The following PARD3B variants were observed in gnomAD, a reference collection of about 807,000 sequenced individuals.
PARD3B encodes the protein par-3 family cell polarity regulator beta.
Under a neutral mutation model 130.2 loss-of-function variants are expected in PARD3B, and 103 were observed. That is an observed-to-expected ratio of 0.79 (90% CI 0.67 to 0.93). The LOEUF (loss-of-function observed/expected upper bound fraction) is 0.93, where lower values mean the gene tolerates loss of function less well. Among genes scored for constraint, PARD3B ranks in the 40% least tolerant of loss-of-function variants. The pLI is 0.00. For missense variants in PARD3B, 1,609 were observed against 1,499.2 expected (o/e 1.07, Z -1.21); for synonymous variants, 583 against 553.2 (o/e 1.05, Z -0.76).
intron 2 of PARD3B, among the ~76,000 whole-genome samples, chr2:204,813,899 T>C (rs1034965914): frequency 6.6e-6 from 1 of 152,120 alleles, no homozygotes; most frequent in African/African-American, 2.4e-5. Flanking sequence ...TGAAATGAAG[T>C]CATATTGGCC....
intron 2 of PARD3B, among the ~76,000 whole-genome samples, chr2:204,912,272 C>T (rs2047267044): frequency 6.6e-6 from 1 of 152,130 alleles, no homozygotes; most frequent in Non-Finnish European, 1.5e-5. Flanking sequence ...GATGCTAATT[C>T]CTGATATATT....
intron 1 of PARD3B, chr2:204,558,161 T>C (rs1254290383): frequency 1.3e-5 from 2 of 152,216 alleles, no homozygotes; most frequent in Non-Finnish European, 2.9e-5. Context: ...CAGTTTAGTC[T>C]CTATCAGATG....
intron 2 of PARD3B, among the ~76,000 whole-genome samples, chr2:204,877,724 T>C (rs184226902): frequency 1.3e-5 from 2 of 152,298 alleles, no homozygotes; most frequent in Non-Finnish European, 2.9e-5. Context: ...TGGAGGGGCA[T>C]CAAATTAAGA....
rs2041601179 is a variant in PARD3B at position 205,291,349 on chromosome 2, A to G, written c.2186-9181A>G. 6.6e-6 allele frequency among the ~76,000 whole-genome samples: 1 copy of G among 152,230 alleles called. No individual in the cohort carries two copies. The highest frequency in any genetic ancestry group is 2.4e-5 in the African/African-American group (1 of 41,470). On this transcript the variant is annotated intron_variant, in intron 16 of 22. Transcript: ENST00000406610. This position sits in a 1 kb window ranked among gnomAD's most constrained non-coding sequence, Gnocchi z 4.6. ...CTGAGTCTTCTTAGATGATACCCAC[A>G]TAATCTTGAATAGAACGTTGGTAGA...
chr2:204,832,896 A>G (rs1301367431), intron 2 of PARD3B, among the ~76,000 whole-genome samples: 1 of 152,240 alleles, frequency 6.6e-6, no homozygotes, highest in African/African-American at 2.4e-5. Flanking sequence ...GGGCACTATA[A>G]AGAGAAAATG....
chr2:204,581,181 C>G (rs769536887), intron 1 of PARD3B, among the ~76,000 whole-genome samples: 1 of 152,146 alleles, frequency 6.6e-6, no homozygotes, highest in Non-Finnish European at 1.5e-5. Flanking sequence ...TTTGGAGGAA[C>G]AGAAAATTGC....
intron 18 of PARD3B, among the ~76,000 whole-genome samples, chr2:205,367,013 T>TAA (rs2044634395): frequency 6.6e-6 from 1 of 152,204 alleles, no homozygotes; most frequent in Non-Finnish European, 1.5e-5. Flanking sequence ...TGAACTCTTT[T>TAA]AAAGTTTCTT....
At position 204,659,999 on chromosome 2, in the gene PARD3B, G is replaced by C. The variant is rs982248638; in HGVS notation, c.121-26182G>C. Among the ~76,000 whole-genome samples, 3 of 152,010 alleles carry C rather than the reference G, an allele frequency of 2.0e-5. No individual in the cohort carries two copies. In the South Asian group the frequency reaches 6.2e-4, roughly 32 times the overall value. ...CCAAACTTATTTTCAGTCTACATGG[G>C]GACCTCAGAGGAAAACACCCCTACA... On this transcript the variant is annotated intron_variant, in intron 1 of 22. Transcript: ENST00000406610.
At chr2:205,201,075 C>A (rs1190608083) in intron 15 of PARD3B, among the ~76,000 whole-genome samples, 1 of 152,044 alleles carries the variant, frequency 6.6e-6, no homozygotes, top group African/African-American at 2.4e-5. Context: ...TTAATAACTA[C>A]AAAGACAGTA....
At chr2:204,593,070 T>A (rs2033142714) in intron 1 of PARD3B, among the ~76,000 whole-genome samples, 1 of 152,226 alleles carries the variant, frequency 6.6e-6, no homozygotes, top group Non-Finnish European at 1.5e-5. Context: ...TATACTTTTG[T>A]TAATTAAGTG....
At chr2:205,498,716 C>T (rs1489527744) in intron 20 of PARD3B, among the ~76,000 whole-genome samples, 1 of 152,152 alleles carries the variant, frequency 6.6e-6, no homozygotes, top group Non-Finnish European at 1.5e-5. Context: ...ACTGCCCTTC[C>T]CTCTACCTGG....
At chr2:204,983,356 G>T (rs1225052743) in intron 3 of PARD3B, among the ~76,000 whole-genome samples, 1 of 148,624 alleles carries the variant, frequency 6.7e-6, no homozygotes, top group Non-Finnish European at 1.5e-5. Context: ...TCCAACCGAG[G>T]CTTTAATAAA....
chr2:204,839,072 C>T (rs1266167805), intron 2 of PARD3B, among the ~76,000 whole-genome samples: 1 of 152,122 alleles, frequency 6.6e-6, no homozygotes, highest in African/African-American at 2.4e-5. Flanking sequence ...GTTAATTTAT[C>T]TCTGCTGGGC....
At chr2:205,020,832 C>G (rs767851829) in intron 3 of PARD3B, among the ~76,000 whole-genome samples, 1 of 152,082 alleles carries the variant, frequency 6.6e-6, no homozygotes. Flanking sequence ...TGTCCTTAAG[C>G]TCTCAATGTG....
At chr2:205,600,120 T>G (rs1374511461) in intron 22 of PARD3B, among the ~76,000 whole-genome samples, 1 of 152,214 alleles carries the variant, frequency 6.6e-6, no homozygotes, top group Non-Finnish European at 1.5e-5. Flanking sequence ...ATACTATTAC[T>G]ATTGGAATGG....
chr2:205,062,394 C>T (rs1369763074), intron 4 of PARD3B, among the ~76,000 whole-genome samples: 1 of 152,068 alleles, frequency 6.6e-6, no homozygotes, highest in Non-Finnish European at 1.5e-5. Context: ...GAGGCATGCC[C>T]TGCTGTGCCC....
chr2:205,111,397 T>C (rs1427594320), intron 5 of PARD3B, among the ~76,000 whole-genome samples: 3 of 152,028 alleles, frequency 2.0e-5, no homozygotes, highest in African/African-American at 7.2e-5. Context: ...TAAAATTCCA[T>C]TCTCACAAAT....
Position 204,842,362 on chromosome 2 carries a change from A to G in PARD3B, c.223-122790A>G, listed in dbSNP as rs747595668. Among the ~76,000 whole-genome samples, 45 of 152,282 alleles carry G rather than the reference A, an allele frequency of 3.0e-4. No individual in the cohort carries two copies. In the Middle Eastern group the frequency reaches 0.01, roughly 35 times the overall value. Reference sequence around the variant, plus strand: ...TGATTGTCTAGAGTTTGTATGCTACAGAATTGAGGTGGTTTCAGCTGCTTT... The same window carrying G: ...TGATTGTCTAGAGTTTGTATGCTACGGAATTGAGGTGGTTTCAGCTGCTTT... On this transcript the variant is annotated intron_variant, in intron 2 of 22. Coordinates refer to ENST00000406610, the MANE Select transcript of PARD3B (RefSeq NM_001302769.2).
intron 2 of PARD3B, among the ~76,000 whole-genome samples, chr2:204,828,126 G>A (rs2043662643): frequency 6.6e-6 from 1 of 152,142 alleles, no homozygotes; most frequent in African/African-American, 2.4e-5. Flanking sequence ...TGTTGAATAG[G>A]TATCTACTGA....
Sources: allele counts gnomAD v4.1 joint callset (sites outside exome capture counted in the v4.1 genomes callset), GRCh38; gene constraint gnomAD v4.1.1; non-coding constraint Gnocchi (gnomAD v3.1); transcripts MANE v1.5; gene names NCBI Gene and HGNC (gene_info 2026-07-23, HGNC 2026-07-21).